The following SLC5A6 variants were observed in gnomAD, a reference collection of about 807,000 sequenced individuals.
The protein encoded by SLC5A6 is sodium-dependent multivitamin transporter.
A neutral mutation model predicts 67.9 loss-of-function variants in SLC5A6; 31 were observed. The observed-to-expected ratio is 0.46, with a 90% CI of 0.34 to 0.62. SLC5A6 has a LOEUF of 0.62. Among genes scored for constraint, SLC5A6 ranks in the 20% least tolerant of loss-of-function variants. The probability of loss-of-function intolerance (pLI) is 0.01; values close to 1 mark genes in which losing one functional copy is unlikely to be tolerated. For synonymous variants in SLC5A6, 343 were observed against 331.0 expected, an observed-to-expected ratio of 1.04 and a Z score of -0.39; for missense variants, 673 against 812.8, an observed-to-expected ratio of 0.83 and a Z score of 2.09.
At position 27,199,891 on chromosome 2, in the gene SLC5A6, C is replaced by T. The variant is rs1673486776; in HGVS notation, c.*545G>A. 1 of 152,916 alleles carries T rather than the reference C, an allele frequency of 6.5e-6. No individual in the cohort carries two copies. Among genetic ancestry groups the T allele is most frequent in the African/African-American group, 2.4e-5 (1 of 41,448 alleles). The allele number at this position is 152,916 out of a possible 1,614,324, so 9.5% of individuals were successfully genotyped here. A position where few individuals can be genotyped will look rare whatever the true frequency, so the allele number is the denominator to read the frequency against. Reference sequence around the variant, plus strand: ...CCCAGAGGACCAGGGACACCAAAACCTCCCTCTTCAGAATGGAGGTAGACA... The same window carrying T: ...CCCAGAGGACCAGGGACACCAAAACTTCCCTCTTCAGAATGGAGGTAGACA... On this transcript the variant is annotated 3_prime_UTR_variant, in exon 17 of 17. Coordinates refer to ENST00000310574, the MANE Select transcript of SLC5A6 (RefSeq NM_021095.4).
chr2:27,208,603 C>G (rs904657839), intron 2 of SLC5A6: 2 of 152,882 alleles, frequency 1.3e-5, no homozygotes, highest in African/African-American at 4.8e-5. Context: ...CTGCTGGGGA[C>G]AGACACCTAC....
chr2:27,212,310 T>TGCGGGGCGGGGCC (rs1674602417), upstream of SLC5A6: 4 of 1,549,684 alleles, frequency 2.6e-6, no homozygotes, highest in East Asian at 2.4e-5. Context: ...CCTGACGCGC[T>TGCGGGGCGGGGCC]GCGGGGCGGG....
intron 6 of SLC5A6, 122 bp from the exon 7 acceptor site, chr2:27,205,626 TGAA>T: frequency 8.2e-7 from 1 of 1,222,524 alleles, no homozygotes; most frequent in Non-Finnish European, 1.2e-6. Flanking sequence ...TTTTGCAGCC[TGAA>T]GCCAGTTTTT....
Position 27,203,306 on chromosome 2 carries a change from CG to C in SLC5A6, c.1133del (p.Thr378ArgfsTer5). 6.2e-7 allele frequency: 1 copy of C among 1,614,056 alleles called. No individual in the cohort carries two copies. On this transcript the variant is annotated frameshift_variant, in exon 11 of 17. Coordinates refer to ENST00000310574, the MANE Select transcript of SLC5A6 (RefSeq NM_021095.4). LOFTEE classifies it high-confidence loss of function. ...ACCAAGGTCGAATCAGGTCTTCCAT[CG>C]TAACAGTTGCCAATGAATTAAAAGC... ...SSAFNSLATV[T>X]MEDLIRPWFP...
Position 27,201,685 on chromosome 2 carries a change from G to C in SLC5A6, c.1525C>G (p.Pro509Ala), listed in dbSNP as rs764025829. The change falls in exon 14 of 17, where the codon CCC (proline) becomes GCC (alanine). Residue 509 changes from proline to alanine, a missense_variant. Transcript: ENST00000310574. The stretch of plus-strand genomic sequence containing the variant: ...CCTTACTTGGAGAAGGTAGTCAAGG[G>C]CATCAGTGTGGTCACAGTGGCAACG... Reference protein sequence around the residue: ...LTVATVTTLMPLTTFSKPTGL... With the variant: ...LTVATVTTLMALTTFSKPTGL... 4.3e-6 allele frequency: 7 copies of C among 1,613,978 alleles called. No homozygotes were observed. In the African/African-American group the frequency reaches 9.3e-5, roughly 22 times the overall value.
intron 2 of SLC5A6, chr2:27,208,374 A>G (rs552809669): frequency 2.0e-5 from 3 of 152,338 alleles, no homozygotes; most frequent in Admixed American, 1.3e-4. Context: ...CAACACCACT[A>G]GATAAGTGCT....
intron 16 of SLC5A6, 99 bp from the exon 17 acceptor site, chr2:27,200,678 C>T (rs570743704): frequency 1.5e-6 from 2 of 1,309,122 alleles, no homozygotes; most frequent in Non-Finnish European, 2.1e-6. Flanking sequence ...GGGAGCCCAG[C>T]AAGGCTGGGT....
intron 6 of SLC5A6, 29 bp from the exon 7 acceptor site, chr2:27,205,533 C>CA (rs1317171345): frequency 1.2e-6 from 2 of 1,613,540 alleles, no homozygotes; most frequent in Non-Finnish European, 1.7e-6. Context: ...AAACCTGCCA[C>CA]AGAGGCCTTC....
chr2:27,206,196 A>G (rs1674050438), intron 5 of SLC5A6, 103 bp from the exon 6 acceptor site: 4 of 978,324 alleles, frequency 4.1e-6, no homozygotes, highest in Non-Finnish European at 6.4e-6. Context: ...AGCATTGGTC[A>G]TTAACAATGA....
chr2:27,205,851 C>T (rs1289447918), intron 6 of SLC5A6, among the ~76,000 whole-genome samples, 175 bp downstream of exon 6: 2 of 152,190 alleles, frequency 1.3e-5, no homozygotes, highest in African/African-American at 4.8e-5. Context: ...CCATCCCATC[C>T]TCTACCTTCA....
In SLC5A6 at chr2:27,203,242, T is replaced by C. The variant is rs1157244749; in HGVS notation, c.1198A>G (p.Arg400Gly). 1 of 1,614,106 alleles carries C rather than the reference T, an allele frequency of 6.2e-7. No individual in the cohort carries two copies. Residue 400 changes from arginine to glycine, a missense_variant, in exon 11 of 17, where the codon AGA (arginine) becomes GGA (glycine). By Grantham distance (125) the Arg-to-Gly change is moderately radical (BLOSUM62 -2). Coordinates refer to ENST00000310574, the MANE Select transcript of SLC5A6 (RefSeq NM_021095.4). ...FSEARAIMLSRGLAFGYGLLC... is the reference protein window; with the variant it reads ...FSEARAIMLSGGLAFGYGLLC... ...GGAAGCATAACCCCACCAAGGCCTC[T>C]GGAAAGCATGATGGCCCGGGCTTCA... is the stretch of plus-strand genomic sequence containing the variant.
intron 11 of SLC5A6, 174 bp from the exon 12 acceptor site, chr2:27,203,054 A>G: frequency 6.7e-7 from 1 of 1,489,382 alleles, no homozygotes; most frequent in Non-Finnish European, 8.9e-7. Context: ...TGTGACTCAG[A>G]GACCTCCCTA....
At position 27,200,514 on chromosome 2, in the gene SLC5A6, G is replaced by T. The variant is rs1673537787; in HGVS notation, c.1830C>A (p.Asp610Glu). 3.1e-6 allele frequency: 5 copies of T among 1,613,976 alleles called. No individual in the cohort carries two copies. Among genetic ancestry groups the T allele is most frequent in the Non-Finnish European group, 4.2e-6 (5 of 1,179,964 alleles). Residue 610 changes from aspartate to glutamate, a missense_variant, in exon 17 of 17, where the codon GAC becomes GAA. Transcript: ENST00000310574. ...PRNGVLGDSR[D>E]KEAMALDGTA... is the part of the protein sequence containing the mutation. Reference sequence around the variant, plus strand: ...TGCCATCCAGGGCCATGGCCTCCTTGTCTCTGCTGTCCCCCAGCACACCAT... The same window carrying T: ...TGCCATCCAGGGCCATGGCCTCCTTTTCTCTGCTGTCCCCCAGCACACCAT...
Position 27,207,233 on chromosome 2 carries a change from A to T in SLC5A6, c.393+25T>A. 1 of 1,609,436 alleles carries T rather than the reference A, an allele frequency of 6.2e-7. No individual in the cohort carries two copies. The highest frequency in any genetic ancestry group is 8.5e-7 in the Non-Finnish European group (1 of 1,176,724). On this transcript the variant is annotated intron_variant, in intron 3 of 16. Coordinates refer to ENST00000310574, the MANE Select transcript of SLC5A6 (RefSeq NM_021095.4). The surrounding 1 kb of genome is among the most constrained non-coding windows in gnomAD (Gnocchi z 5.5). ...CTCCACCCCAACCCGTGTCCCACGC[A>T]CTTCTCCCTTCTGTCCCTGCTCACC...
rs1673654599 is a variant in SLC5A6, at chr2:27,201,743, A to AT, written c.1466dup (p.Asn489LysfsTer110). 6.2e-7 allele frequency: 1 copy of AT among 1,614,054 alleles called. No homozygotes were observed. The highest frequency in any genetic ancestry group is 1.3e-5 in the African/African-American group (1 of 74,936). On this transcript the variant is annotated frameshift_variant, in exon 14 of 17. Coordinates refer to ENST00000310574, the MANE Select transcript of SLC5A6 (RefSeq NM_021095.4). LOFTEE classifies it high-confidence loss of function. ...TGGTGGGCAGGGAGAAGCTGGACCCATTAGAGGGAGAGGGTGGCATGCTGG... is the reference window on the plus strand; with the variant it reads ...TGGTGGGCAGGGAGAAGCTGGACCCATTTAGAGGGAGAGGGTGGCATGCTGG...
Position 27,206,898 on chromosome 2 carries a change from A to C in SLC5A6, c.438T>G (p.Thr146=). Residue 146 remains threonine, a synonymous_variant, in exon 4 of 17, where the codon ACT becomes ACG. Coordinates refer to ENST00000310574, the MANE Select transcript of SLC5A6 (RefSeq NM_021095.4). ...RFNKTVRVCG[T]VTFIFQMVIY... Reference sequence around the variant, plus strand: ...TTACCATCTGAAAGATGAAGGTCACAGTTCCACACACTCGCACAGTTTTAT... The same window carrying C: ...TTACCATCTGAAAGATGAAGGTCACCGTTCCACACACTCGCACAGTTTTAT... 6.2e-7 allele frequency: 1 copy of C among 1,613,882 alleles called. No individual in the cohort carries two copies. Among genetic ancestry groups the C allele is most frequent in the Non-Finnish European group, 8.5e-7 (1 of 1,179,758 alleles).
chr2:27,206,876 C>A lies in SLC5A6; in HGVS notation c.459+1G>T. On this transcript the variant is annotated splice_donor_variant, in intron 4 of 16. Transcript: ENST00000310574. LOFTEE classifies it high-confidence loss of function. Reference sequence around the variant, plus strand: ...TCGGTTTCTATCCTCATTCTGCTTACCATCTGAAAGATGAAGGTCACAGTT... The same window carrying A: ...TCGGTTTCTATCCTCATTCTGCTTAACATCTGAAAGATGAAGGTCACAGTT... 6.2e-7 allele frequency: 1 copy of A among 1,611,120 alleles called. No individual in the cohort carries two copies. Among genetic ancestry groups the A allele is most frequent in the South Asian group, 1.1e-5 (1 of 91,028 alleles).
chr2:27,203,995 C>G, intron 9 of SLC5A6, 128 bp from the exon 10 acceptor site: 1 of 677,190 alleles, frequency 1.5e-6, no homozygotes. Flanking sequence ...CAAGGGAAGC[C>G]AGGGCCTGGG....
Position 27,204,486 on chromosome 2 carries a change from T to C in SLC5A6, c.980A>G (p.Gln327Arg). 6.2e-7 allele frequency: 1 copy of C among 1,613,908 alleles called. No homozygotes were observed. The highest frequency in any genetic ancestry group is 8.5e-7 in the Non-Finnish European group (1 of 1,179,854). Residue 327 changes from glutamine (Q) to arginine (R), a missense_variant, in exon 9 of 17, where the codon CAG (glutamine) becomes CGG (arginine). By Grantham distance (43) the Gln-to-Arg change is conservative. Transcript: ENST00000310574. Reference sequence around the variant, plus strand: ...CTGGTCTGGGGCTGCCTGAGCCTGCTGAATGCTCATGGGATACTCCTGGTA... The same window carrying C: ...CTGGTCTGGGGCTGCCTGAGCCTGCCGAATGCTCATGGGATACTCCTGGTA... Reference protein sequence around the residue: ...AYYQEYPMSIQQAQAAPDQFV... With the variant: ...AYYQEYPMSIRQAQAAPDQFV...
Sources: allele counts gnomAD v4.1 joint callset (sites outside exome capture counted in the v4.1 genomes callset), GRCh38; gene constraint gnomAD v4.1.1; non-coding constraint Gnocchi (gnomAD v3.1); transcripts MANE v1.5; gene names NCBI Gene and HGNC (gene_info 2026-07-23, HGNC 2026-07-21).